NRIP1: variants seen among roughly 807,000 people sequenced by gnomAD.
The protein encoded by NRIP1 is nuclear receptor interacting protein 1.
In NRIP1, 28 loss-of-function variants were observed where a neutral mutation model predicts 75.0. The observed-to-expected ratio is 0.37, with a 90% CI of 0.28 to 0.51. The LOEUF (loss-of-function observed/expected upper bound fraction) is 0.51. Ranked by LOEUF, NRIP1 falls within the 20% of genes least tolerant of loss-of-function variation. NRIP1 has a pLI of 0.92. For synonymous variants in NRIP1, 526 were observed against 487.6 expected (o/e 1.08, Z -1.04); for missense variants, 1,435 against 1,343.7 (o/e 1.07, Z -1.06).
chr21:14,991,277 C>T (rs1461004068), intron 3 of NRIP1: 1 of 149,504 alleles, frequency 6.7e-6, no homozygotes, highest in East Asian at 1.9e-4. Context: ...CTGAATCTGT[C>T]CATGCAAACC....
chr21:14,990,374 G>A (rs1473844501), intron 3 of NRIP1, among the ~76,000 whole-genome samples: 4 of 152,120 alleles, frequency 2.6e-5, no homozygotes, highest in African/African-American at 7.2e-5. Flanking sequence ...AGGGAGGGCC[G>A]GGGTGGGTTA....
chr21:14,971,662 A>G (rs1255870672), intron 3 of NRIP1: 1 of 152,210 alleles, frequency 6.6e-6, no homozygotes, highest in Non-Finnish European at 1.5e-5. Flanking sequence ...CATGACTCTT[A>G]TATCACCAAG....
chr21:14,990,324 T>C (rs1390670053), intron 3 of NRIP1, among the ~76,000 whole-genome samples: 1 of 152,076 alleles, frequency 6.6e-6, no homozygotes, highest in Non-Finnish European at 1.5e-5. Flanking sequence ...CAGATACTGA[T>C]ATAATGCCAC....
chr21:15,033,811 T>C (rs1464537905), intron 2 of NRIP1, among the ~76,000 whole-genome samples: 1 of 152,238 alleles, frequency 6.6e-6, no homozygotes, highest in Non-Finnish European at 1.5e-5. Flanking sequence ...CAAGTCAGTG[T>C]GTTTCACAGT....
At chr21:15,044,189 A>G (rs538805870) in intron 1 of NRIP1, among the ~76,000 whole-genome samples, 1 of 152,058 alleles carries the variant, frequency 6.6e-6, no homozygotes, top group Non-Finnish European at 1.5e-5. Flanking sequence ...GTTAATGTCA[A>G]AGATAAAGAG....
intron 2 of NRIP1, among the ~76,000 whole-genome samples, chr21:15,021,764 C>A (rs368280256): frequency 1.1e-4 from 16 of 152,116 alleles, no homozygotes; most frequent in Non-Finnish European, 1.9e-4. Flanking sequence ...AGAAGACATT[C>A]GTGCGGCCAG....
intron 3 of NRIP1, among the ~76,000 whole-genome samples, chr21:14,987,657 CTT>C (rs1387425096): frequency 6.6e-6 from 1 of 152,290 alleles, no homozygotes; most frequent in Non-Finnish European, 1.5e-5. Context: ...CCTGGGAGCT[CTT>C]GTCACTGACC....
At chr21:15,003,619 C>T (rs973528431) in intron 3 of NRIP1, among the ~76,000 whole-genome samples, 2 of 152,266 alleles carry the variant, frequency 1.3e-5, no homozygotes, top group Middle Eastern at 3.4e-3. Context: ...CAAGGTCGAA[C>T]GGGTCAGCGT....
Position 14,967,924 on chromosome 21 carries a change from G to A in NRIP1, c.269C>T (p.Ser90Phe), listed in dbSNP as rs1339664722. 1 of 1,614,146 alleles carries A rather than the reference G, an allele frequency of 6.2e-7. No homozygotes were observed. Among genetic ancestry groups the A allele is most frequent in the Non-Finnish European group, 8.5e-7 (1 of 1,180,032 alleles). Residue 90 changes from serine to phenylalanine, a missense_variant, in exon 4 of 4, where the codon TCT (serine) becomes TTT (phenylalanine). Ser to Phe is a radical substitution (Grantham distance 155). Coordinates refer to ENST00000318948, the MANE Select transcript of NRIP1 (RefSeq NM_003489.4). ...HLKKARLLQS[S>F]EDWNAAKRKR... Reference sequence around the variant, plus strand: ...CCGCTTTGCTGCATTCCAGTCCTCAGAAGACTGCAACAGTCTGGCTTTTTT... The same window carrying A: ...CCGCTTTGCTGCATTCCAGTCCTCAAAAGACTGCAACAGTCTGGCTTTTTT...
intron 2 of NRIP1, among the ~76,000 whole-genome samples, chr21:15,023,036 G>A (rs1339868009): frequency 1.3e-5 from 2 of 152,176 alleles, no homozygotes; most frequent in Non-Finnish European, 2.9e-5. Context: ...TAGACAGAAG[G>A]ATCGGTGGTT....
chr21:14,967,755 A>C lies in NRIP1; in HGVS notation c.438T>G (p.Thr146=). 6.2e-7 allele frequency: 1 copy of C among 1,614,200 alleles called. No homozygotes were observed. Among genetic ancestry groups the C allele is most frequent in the Non-Finnish European group, 8.5e-7 (1 of 1,180,034 alleles). ...LLQSFSSRLQ[T]VALSQQIRQS... Reference sequence around the variant, plus strand: ...GCCTGATTTGTTGTGACAGAGCAACAGTCTGCAGCCTAGAGCTGAATGACT... The same window carrying C: ...GCCTGATTTGTTGTGACAGAGCAACCGTCTGCAGCCTAGAGCTGAATGACT... Residue 146 remains threonine, a synonymous_variant, in exon 4 of 4, where the codon ACT becomes ACG. Coordinates refer to ENST00000318948, the MANE Select transcript of NRIP1 (RefSeq NM_003489.4).
chr21:14,981,582 A>G (rs973532995), intron 3 of NRIP1, among the ~76,000 whole-genome samples: 3 of 152,114 alleles, frequency 2.0e-5, no homozygotes, highest in Middle Eastern at 3.2e-3. Flanking sequence ...GGTCTAGGGA[A>G]TGTGGGTCAG....
intron 3 of NRIP1, among the ~76,000 whole-genome samples, chr21:14,989,728 C>A (rs1258686246): frequency 3.3e-5 from 5 of 152,062 alleles, no homozygotes; most frequent in Non-Finnish European, 7.3e-5. Flanking sequence ...TCATATTAGC[C>A]AAGCAGTTTC....
At chr21:15,006,840 A>G (rs1279659057) in intron 3 of NRIP1, among the ~76,000 whole-genome samples, 2 of 152,178 alleles carry the variant, frequency 1.3e-5, no homozygotes, top group African/African-American at 4.8e-5. Flanking sequence ...CAAAGGAGAG[A>G]GAGTATATAC....
chr21:15,033,069 C>CA (rs2088746992), intron 2 of NRIP1, among the ~76,000 whole-genome samples: 1 of 151,698 alleles, frequency 6.6e-6, no homozygotes, highest in Admixed American at 6.6e-5. Context: ...ACTAAAAATA[C>CA]AAAAAATTAG....
chr21:15,054,385 A>G (rs1224128056), intron 1 of NRIP1, among the ~76,000 whole-genome samples: 1 of 145,800 alleles, frequency 6.9e-6, no homozygotes, highest in African/African-American at 2.7e-5. Flanking sequence ...TACAAAAAAA[A>G]TGTTGCCCCC....
intron 3 of NRIP1, among the ~76,000 whole-genome samples, chr21:15,012,106 A>G (rs1019810787): frequency 4.5e-4 from 68 of 152,352 alleles, no homozygotes; most frequent in African/African-American, 1.6e-3. Flanking sequence ...TAAAAACCTC[A>G]TAAAACATTA....
chr21:14,983,136 T>G (rs1358877033), intron 3 of NRIP1, among the ~76,000 whole-genome samples: 5 of 151,906 alleles, frequency 3.3e-5, no homozygotes, highest in Non-Finnish European at 7.4e-5. Flanking sequence ...ATGATTAAGC[T>G]TAGTGAGGAA....
chr21:14,975,929 T>C (rs1023737860), intron 3 of NRIP1, among the ~76,000 whole-genome samples: 1 of 152,200 alleles, frequency 6.6e-6, no homozygotes, highest in Non-Finnish European at 1.5e-5. Context: ...AATGGACATA[T>C]ATAGTAACAG....
Sources: gnomAD v4.1 joint callset for allele counts (sites outside exome capture counted in the v4.1 genomes callset) on GRCh38, gnomAD v4.1.1 for gene constraint, MANE v1.5 for transcripts, NCBI Gene and HGNC (gene_info 2026-07-23, HGNC 2026-07-21) for gene names.